The following DPP10 variants were observed in gnomAD, a reference collection of about 807,000 sequenced individuals.
DPP10 encodes the protein dipeptidyl peptidase like 10.
A neutral mutation model predicts 120.9 loss-of-function variants in DPP10; 33 were observed. The observed-to-expected ratio is 0.27, with a 90% CI of 0.21 to 0.37. The LOEUF (loss-of-function observed/expected upper bound fraction) is 0.37, where lower values mean the gene tolerates loss of function less well. DPP10 is among the 10% of genes least tolerant of loss of function. The pLI, the probability that DPP10 is intolerant of heterozygous loss-of-function variation, is 1.00. For missense variants in DPP10, 816 were observed against 942.8 expected, an observed-to-expected ratio of 0.87 and a Z score of 1.76; for synonymous variants, 337 against 326.1, an observed-to-expected ratio of 1.03 and a Z score of -0.36.
At chr2:114,733,848 T>C (rs770627268) in intron 1 of DPP10, among the ~76,000 whole-genome samples, 1 of 152,206 alleles carries the variant, frequency 6.6e-6, no homozygotes, top group Non-Finnish European at 1.5e-5. Context: ...ATAACTCATC[T>C]ATTAGATATA....
intron 1 of DPP10, among the ~76,000 whole-genome samples, chr2:115,075,459 G>T (rs7593208): frequency 0.26 from 39,515 of 152,112 alleles, 5,343 homozygotes; most frequent in East Asian, 0.5. Context: ...GTCTGGCCAT[G>T]TCAGTTTCAA....
Position 114,613,435 on chromosome 2 carries a change from G to A in DPP10, c.60+170597G>A, listed in dbSNP as rs561191796. ...ACCCAACCTTTTCTCAAGCCAATTAGAATGGCAATTATTAAAAAGTCAAGA... is the reference window on the plus strand; with the variant it reads ...ACCCAACCTTTTCTCAAGCCAATTAAAATGGCAATTATTAAAAAGTCAAGA... On this transcript the variant is annotated intron_variant, in intron 1 of 25. Coordinates refer to ENST00000410059, the MANE Select transcript of DPP10 (RefSeq NM_020868.6). 6.6e-5 allele frequency among the ~76,000 whole-genome samples: 10 copies of A among 152,264 alleles called. No homozygotes were observed. In the South Asian group the frequency reaches 2.1e-3, roughly 32 times the overall value.
chr2:115,724,526 A>T (rs1479055430), intron 7 of DPP10, among the ~76,000 whole-genome samples: 1 of 151,224 alleles, frequency 6.6e-6, no homozygotes, highest in Non-Finnish European at 1.5e-5. Flanking sequence ...TTGTTCTTCT[A>T]TTTTTTTTTG....
chr2:114,461,361 G>A (rs973623483), intron 1 of DPP10, among the ~76,000 whole-genome samples: 2 of 152,110 alleles, frequency 1.3e-5, no homozygotes, highest in Non-Finnish European at 2.9e-5. Flanking sequence ...TTGTTGCAGG[G>A]GGAAATAAAG....
chr2:115,338,527 G>A (rs1002292154), intron 2 of DPP10, among the ~76,000 whole-genome samples: 2 of 152,012 alleles, frequency 1.3e-5, no homozygotes, highest in African/African-American at 4.8e-5. Flanking sequence ...CACAGTCATA[G>A]CTCACTCTAA....
intron 9 of DPP10, among the ~76,000 whole-genome samples, chr2:115,745,206 A>G (rs1677797470): frequency 6.8e-6 from 1 of 147,476 alleles, no homozygotes; most frequent in Non-Finnish European, 1.5e-5. Context: ...GGGTTTAAAT[A>G]CTAACTTTCT....
chr2:115,479,514 A>G (rs1000258137), intron 3 of DPP10, among the ~76,000 whole-genome samples: 1 of 152,152 alleles, frequency 6.6e-6, no homozygotes, highest in African/African-American at 2.4e-5. Context: ...ATATGAATGT[A>G]CTTAATACTG....
chr2:115,414,633 A>G (rs1180663820), intron 3 of DPP10, among the ~76,000 whole-genome samples: 3 of 152,206 alleles, frequency 2.0e-5, no homozygotes, highest in African/African-American at 7.2e-5. Flanking sequence ...CGTGATATGT[A>G]TGTACCATCA....
At chr2:115,789,358 C>G (rs1683693039) in intron 17 of DPP10, among the ~76,000 whole-genome samples, 1 of 152,106 alleles carries the variant, frequency 6.6e-6, no homozygotes, top group African/African-American at 2.4e-5. Flanking sequence ...ATGTAATTCA[C>G]CGTATTACAC....
Position 114,776,929 on chromosome 2 carries a change from T to TA in DPP10, c.60+334099dup, listed in dbSNP as rs561839175. 2.0e-4 allele frequency among the ~76,000 whole-genome samples: 31 copies of TA among 151,486 alleles called. No homozygotes were observed. In the South Asian group the frequency reaches 3.1e-3, roughly 15 times the overall value. ...TTCTAAGGATCAGTGTTCTCATAAT[T>TA]AAAAAAAAGAAGGCATAAGAATTTC... On this transcript the variant is annotated intron_variant, in intron 1 of 25. Coordinates refer to ENST00000410059, the MANE Select transcript of DPP10 (RefSeq NM_020868.6).
Position 115,840,745 on chromosome 2 carries a change from T to C in DPP10, c.2183-5T>C. Reference sequence around the variant, plus strand: ...CTTCAGATATCATAATTTGATTTCTTGCAGCAAAAGTTCATTTCCAACACT... The same window carrying C: ...CTTCAGATATCATAATTTGATTTCTCGCAGCAAAAGTTCATTTCCAACACT... On this transcript the variant is annotated splice_region_variant and splice_polypyrimidine_tract_variant and intron_variant, in intron 24 of 25. Transcript: ENST00000410059. 2 of 1,613,016 alleles carry C rather than the reference T, an allele frequency of 1.2e-6. No homozygotes were observed. The highest frequency in any genetic ancestry group is 1.7e-6 in the Non-Finnish European group (2 of 1,179,620).
At chr2:115,326,278 TG>T (rs1231457413) in intron 2 of DPP10, among the ~76,000 whole-genome samples, 1 of 152,084 alleles carries the variant, frequency 6.6e-6, no homozygotes, top group Non-Finnish European at 1.5e-5. Context: ...TATCCCCTAG[TG>T]ACACAACCGT....
intron 1 of DPP10, chr2:115,161,839 CGT>C: frequency 3.9e-6 from 4 of 1,035,640 alleles, no homozygotes; most frequent in African/African-American, 1.7e-5. Flanking sequence ...CCCCCCACCC[CGT>C]CCCTTCCGCC....
intron 7 of DPP10, among the ~76,000 whole-genome samples, chr2:115,710,297 C>T (rs1176796347): frequency 1.3e-5 from 2 of 152,110 alleles, no homozygotes; most frequent in African/African-American, 4.8e-5. Flanking sequence ...CTGTATAAAA[C>T]GTATTACTGT....
At chr2:114,543,748 CTT>C (rs1022619567) in intron 1 of DPP10, among the ~76,000 whole-genome samples, 3 of 146,380 alleles carry the variant, frequency 2.0e-5, no homozygotes, top group Admixed American at 6.8e-5. Context: ...GGCCTGAACT[CTT>C]TTTTTTTTTT....
At chr2:114,477,912 T>TATATGTGTATATATGTAC (rs1177793340) in intron 1 of DPP10, among the ~76,000 whole-genome samples, 8 of 149,600 alleles carry the variant, frequency 5.3e-5, no homozygotes, top group Admixed American at 2.7e-4. Context: ...TATATGTACA[T>TATATGTGTATATATGTAC]ATATGTGTAT....
intron 3 of DPP10, among the ~76,000 whole-genome samples, chr2:115,480,368 A>G (rs555418871): frequency 6.6e-6 from 1 of 152,006 alleles, no homozygotes; most frequent in Non-Finnish European, 1.5e-5. Context: ...GCATAACTGA[A>G]TTTTTTTCTT....
intron 5 of DPP10, among the ~76,000 whole-genome samples, chr2:115,599,135 A>C (rs892867296): frequency 2.0e-5 from 3 of 152,102 alleles, no homozygotes; most frequent in Non-Finnish European, 2.9e-5. Context: ...GAACATTTTG[A>C]GTATGATTAT....
At chr2:114,551,743 G>T (rs1355734040) in intron 1 of DPP10, among the ~76,000 whole-genome samples, 1 of 152,158 alleles carries the variant, frequency 6.6e-6, no homozygotes, top group Non-Finnish European at 1.5e-5. Flanking sequence ...GGGCATCTGT[G>T]CAGGGCTTTT....
Sources: gnomAD v4.1 joint callset for allele counts (sites outside exome capture counted in the v4.1 genomes callset) on GRCh38, gnomAD v4.1.1 for gene constraint, MANE v1.5 for transcripts, NCBI Gene and HGNC (gene_info 2026-07-23, HGNC 2026-07-21) for gene names.